The following PTK2B variants were observed in gnomAD, a reference collection of about 807,000 sequenced individuals.
The protein encoded by PTK2B is protein tyrosine kinase 2 beta, also known as protein-tyrosine kinase 2-beta.
PTK2B carries 71 observed loss-of-function variants against 142.9 expected under a neutral mutation model. The observed-to-expected ratio is 0.50, with a 90% CI of 0.41 to 0.61. The LOEUF (loss-of-function observed/expected upper bound fraction) is 0.61, where lower values mean the gene tolerates loss of function less well. Ranked by LOEUF, PTK2B falls within the 20% of genes least tolerant of loss-of-function variation. PTK2B has a pLI of 0.00. For missense variants in PTK2B, 1,105 were observed against 1,320.4 expected (o/e 0.84, Z 2.53); for synonymous variants, 519 against 503.4 (o/e 1.03, Z -0.42).
At chr8:27,437,954 C>A in intron 18 of PTK2B, 74 bp downstream of exon 18, 1 of 1,319,014 alleles carries the variant, frequency 7.6e-7, no homozygotes, top group Non-Finnish European at 1.1e-6. Context: ...TGGGTAGAAG[C>A]AGGGCTTGTG....
chr8:27,379,941 C>T (rs1806911239), intron 1 of PTK2B, among the ~76,000 whole-genome samples: 1 of 152,134 alleles, frequency 6.6e-6, no homozygotes. Flanking sequence ...GGGGTTTCAC[C>T]ATGTTGCCCA....
In PTK2B at chr8:27,437,706, C is replaced by T. The variant is rs563292387; in HGVS notation, c.1528-59C>T. ...GGTCAGGGGTTGCCAGCACCCTGGT[C>T]CCCTGGCTCCATACTGGGACCAACC... On this transcript the variant is annotated intron_variant, in intron 17 of 30. Transcript: ENST00000346049. 6.6e-6 allele frequency: 10 copies of T among 1,506,298 alleles called. No individual in the cohort carries two copies. The African/African-American group carries it at 1.1e-4, about 16-fold the overall frequency. The allele number at this position is 1,506,298 out of a possible 1,614,324, so 93.3% of individuals were successfully genotyped here.
intron 1 of PTK2B, among the ~76,000 whole-genome samples, chr8:27,362,392 G>C (rs1805765095): frequency 6.6e-6 from 1 of 152,180 alleles, no homozygotes; most frequent in Non-Finnish European, 1.5e-5. Context: ...CCACACTGTG[G>C]CTCTTCTAGC....
chr8:27,430,030 C>A, intron 5 of PTK2B, 63 bp from the exon 6 acceptor site: 1 of 1,479,300 alleles, frequency 6.8e-7, no homozygotes, highest in African/African-American at 1.4e-5. Context: ...GCATGAGGTG[C>A]CCTGGGTCTG....
intron 1 of PTK2B, among the ~76,000 whole-genome samples, chr8:27,381,199 T>TC (rs1197352562): frequency 6.6e-6 from 1 of 152,222 alleles, no homozygotes; most frequent in Non-Finnish European, 1.5e-5. Context: ...GTTGGGAATA[T>TC]CCAGAATCCT....
In PTK2B at chr8:27,380,468, C is replaced by T. The variant is rs189441581; in HGVS notation, c.-37-17080C>T. On this transcript the variant is annotated intron_variant, in intron 1 of 30. Transcript: ENST00000346049. ...CAGGGTTTCCCTACTTTGGAAGCCTCGTGGCTGGAATTTTAAAGGCCAAAG... is the reference window on the plus strand; with the variant it reads ...CAGGGTTTCCCTACTTTGGAAGCCTTGTGGCTGGAATTTTAAAGGCCAAAG... Among the ~76,000 whole-genome samples the T allele has an allele frequency of 3.9e-5, 6 of 152,148 alleles. No homozygotes were observed. The East Asian group carries it at 7.7e-4, about 20-fold the overall frequency.
chr8:27,438,698 T>C (rs1451743910), intron 18 of PTK2B, among the ~76,000 whole-genome samples: 2 of 151,750 alleles, frequency 1.3e-5, no homozygotes, highest in Admixed American at 6.6e-5. Context: ...AGAAGTGGAG[T>C]GTAGCAGATG....
chr8:27,375,507 A>G (rs1187773787), intron 1 of PTK2B, among the ~76,000 whole-genome samples: 1 of 152,106 alleles, frequency 6.6e-6, no homozygotes, highest in Admixed American at 6.5e-5. Context: ...ACTAGTTCTG[A>G]CCTGTAGATC....
intron 1 of PTK2B, among the ~76,000 whole-genome samples, chr8:27,376,248 G>GC (rs1222007369): frequency 6.6e-6 from 1 of 152,198 alleles, no homozygotes; most frequent in Non-Finnish European, 1.5e-5. Flanking sequence ...AGGCTTGGCT[G>GC]CCCCCACCCC....
rs61165579 is a variant in PTK2B at position 27,400,447 on chromosome 8, TAA to T, written c.204+2675_204+2676del. On this transcript the variant is annotated intron_variant, in intron 2 of 30. Transcript: ENST00000346049. ...GACAGCAGAGAAAAAAGGATTGAAT[TAA>T]AAAAAAAAAAAAAAACCTGGCCAAT... Among the ~76,000 whole-genome samples, 1,006 of 136,766 alleles carry T rather than the reference TAA, an allele frequency of 7.4e-3. 6 individuals carry two copies. Among genetic ancestry groups the T allele is most frequent in the African/African-American group, 0.022 (846 of 37,712 alleles). 89.7% of individuals were successfully genotyped at this position (136,766 alleles called of 152,430 possible). A position where few individuals can be genotyped will look rare whatever the true frequency, so the allele number is the denominator to read the frequency against.
intron 2 of PTK2B, among the ~76,000 whole-genome samples, chr8:27,412,259 CT>C (rs939719958): frequency 3.9e-5 from 6 of 152,176 alleles, no homozygotes; most frequent in Non-Finnish European, 8.8e-5. Context: ...TACCATGTGG[CT>C]CAAAGCTTCA....
At position 27,440,305 on chromosome 8, in the gene PTK2B, A is replaced by C. The variant is rs1434923205; in HGVS notation, c.1903A>C (p.Ile635Leu). Residue 635 changes from isoleucine (I) to leucine (L), a missense_variant, in exon 21 of 31, where the codon ATC becomes CTC. Coordinates refer to ENST00000346049, the MANE Select transcript of PTK2B (RefSeq NM_173176.3). Reference sequence around the variant, plus strand: ...CTTCTGGCTGGAGAACAAGGATGTCATCGGGGTGCTGGAGAAAGGAGACCG... The same window carrying C: ...CTTCTGGCTGGAGAACAAGGATGTCCTCGGGGTGCTGGAGAAAGGAGACCG... ...PFFWLENKDV[I>L]GVLEKGDRLP... 6.2e-7 allele frequency: 1 copy of C among 1,614,064 alleles called. No individual in the cohort carries two copies. Among genetic ancestry groups the C allele is most frequent in the African/African-American group, 1.3e-5 (1 of 74,920 alleles).
intron 1 of PTK2B, among the ~76,000 whole-genome samples, chr8:27,341,254 TA>T (rs1234911704): frequency 6.6e-6 from 1 of 152,160 alleles, no homozygotes; most frequent in African/African-American, 2.4e-5. Flanking sequence ...CATGCATTGC[TA>T]AATGGGATGA....
intron 18 of PTK2B, 135 bp from the exon 19 acceptor site, chr8:27,438,896 G>A: frequency 1.3e-6 from 1 of 786,694 alleles, no homozygotes; most frequent in Non-Finnish European, 2.1e-6. Context: ...CACAGAAGCT[G>A]CCCGATTCTG....
chr8:27,391,867 T>A (rs1807746815), intron 1 of PTK2B, among the ~76,000 whole-genome samples: 1 of 152,238 alleles, frequency 6.6e-6, no homozygotes, highest in South Asian at 2.1e-4. Flanking sequence ...TGACTTTGAT[T>A]GTGGCAGATT....
intron 1 of PTK2B, among the ~76,000 whole-genome samples, chr8:27,366,736 C>A (rs541049655): frequency 6.6e-6 from 1 of 152,306 alleles, no homozygotes; most frequent in South Asian, 2.1e-4. Context: ...GCACACACAA[C>A]AGAGGCTAGG....
intron 21 of PTK2B, among the ~76,000 whole-genome samples, chr8:27,440,652 G>C (rs1305643691): frequency 1.3e-5 from 2 of 152,228 alleles, no homozygotes; most frequent in Non-Finnish European, 2.9e-5. Flanking sequence ...TGTCAACACA[G>C]AGCACAGAGC....
At chr8:27,332,050 A>G (rs1387368673) in intron 1 of PTK2B, among the ~76,000 whole-genome samples, 1 of 152,194 alleles carries the variant, frequency 6.6e-6, no homozygotes, top group Non-Finnish European at 1.5e-5. Context: ...ATTTAGGCAG[A>G]TGTTTGGTGC....
intron 2 of PTK2B, among the ~76,000 whole-genome samples, chr8:27,413,796 C>T (rs1263615669): frequency 6.6e-6 from 1 of 152,192 alleles, no homozygotes; most frequent in Non-Finnish European, 1.5e-5. Context: ...CTTCATCACC[C>T]ATTGATGAAT....
Sources: allele counts gnomAD v4.1 joint callset (sites outside exome capture counted in the v4.1 genomes callset), GRCh38; gene constraint gnomAD v4.1.1; transcripts MANE v1.5; gene names NCBI Gene and HGNC (gene_info 2026-07-23, HGNC 2026-07-21).